SEMA5B: variants seen among roughly 807,000 people sequenced by gnomAD.
SEMA5B encodes the protein semaphorin-5B.
Under a neutral mutation model 135.0 loss-of-function variants are expected in SEMA5B, and 66 were observed. That is an observed-to-expected ratio of 0.49 (90% confidence interval 0.40 to 0.60). The LOEUF is 0.60. SEMA5B is among the 20% of genes least tolerant of loss of function. The pLI is 0.00. For missense variants in SEMA5B, 1,501 were observed against 1,566.3 expected (o/e 0.96, Z 0.70); for synonymous variants, 690 against 639.5 (o/e 1.08, Z -1.19).
In SEMA5B at chr3:122,948,646, C is replaced by T. The variant is rs370869770; in HGVS notation, c.188G>A (p.Gly63Asp). Reference sequence around the variant, plus strand: ...CAGCAACAGCGAGACAGCCAGGGGGCCTGCAAGCACCATGATAGGCCCCTC... The same window carrying T: ...CAGCAACAGCGAGACAGCCAGGGGGTCTGCAAGCACCATGATAGGCCCCTC... ...TAEGPIMVLA[G>D]PLAVSLLLPS... Residue 63 changes from glycine (G) to aspartate (D), a missense_variant, in exon 3 of 23, where the codon GGC (glycine) becomes GAC (aspartate). Gly to Asp is a moderately conservative substitution (Grantham distance 94, BLOSUM62 -1). This residue lies in a region of SEMA5B where 574 missense variants were observed against 684.7 expected (regional missense o/e 0.84). Coordinates refer to ENST00000357599, the MANE Select transcript of SEMA5B (RefSeq NM_001031702.4). The T allele has an allele frequency of 6.2e-7, 1 of 1,613,648 alleles. No homozygotes were observed. The highest frequency in any genetic ancestry group is 8.5e-7 in the Non-Finnish European group (1 of 1,179,804).
intron 1 of SEMA5B, among the ~76,000 whole-genome samples, chr3:122,982,776 C>A (rs1163253969): frequency 6.6e-6 from 1 of 152,126 alleles, no homozygotes; most frequent in African/African-American, 2.4e-5. Context: ...GCAGGGAGAC[C>A]ATTCACTCTC....
chr3:123,016,173 C>T (rs1942550108), intron 1 of SEMA5B, among the ~76,000 whole-genome samples: 1 of 152,210 alleles, frequency 6.6e-6, no homozygotes, highest in African/African-American at 2.4e-5. Flanking sequence ...GGGAGCCCCA[C>T]ATTGGTGTGT....
At chr3:122,960,220 C>A (rs950565474) in intron 2 of SEMA5B, among the ~76,000 whole-genome samples, 20 of 152,220 alleles carry the variant, frequency 1.3e-4, no homozygotes, top group African/African-American at 4.6e-4. Context: ...TTTCTACTCA[C>A]TTCCCCCAGT....
intron 1 of SEMA5B, among the ~76,000 whole-genome samples, chr3:123,008,091 G>C (rs1002507776): frequency 6.6e-6 from 1 of 152,246 alleles, no homozygotes; most frequent in Non-Finnish European, 1.5e-5. Flanking sequence ...ATCGGCAAAG[G>C]CACGCAGAAA....
At chr3:122,912,633 A>T (rs1937796739) in intron 18 of SEMA5B, among the ~76,000 whole-genome samples, 1 of 150,288 alleles carries the variant, frequency 6.7e-6, no homozygotes, top group African/African-American at 2.4e-5. Context: ...AAAAAGGGAC[A>T]GGGAGGATAA....
At chr3:122,910,351 G>T in intron 22 of SEMA5B, 50 bp from the exon 23 acceptor site, 1 of 1,595,948 alleles carries the variant, frequency 6.3e-7, no homozygotes, top group Non-Finnish European at 8.6e-7. Flanking sequence ...ACACACAGGG[G>T]AAGGGAACAG....
intron 1 of SEMA5B, among the ~76,000 whole-genome samples, chr3:122,962,044 T>C (rs1940606755): frequency 6.6e-6 from 1 of 152,220 alleles, no homozygotes; most frequent in Non-Finnish European, 1.5e-5. Flanking sequence ...AGGATCCCTG[T>C]GATTACATTG....
chr3:122,955,833 G>A (rs1021562465), intron 2 of SEMA5B, among the ~76,000 whole-genome samples: 3 of 152,192 alleles, frequency 2.0e-5, no homozygotes, highest in African/African-American at 7.2e-5. Context: ...TATTCCACTA[G>A]TTACCTAAGT....
intron 1 of SEMA5B, among the ~76,000 whole-genome samples, chr3:123,018,236 C>T (rs970487419): frequency 6.6e-6 from 1 of 152,226 alleles, no homozygotes; most frequent in Non-Finnish European, 1.5e-5. Context: ...ACTGTTTACC[C>T]ATCTGTTTAC....
chr3:122,941,044 T>A (rs1939534363), intron 4 of SEMA5B, among the ~76,000 whole-genome samples: 1 of 152,074 alleles, frequency 6.6e-6, no homozygotes, highest in Non-Finnish European at 1.5e-5. Context: ...CAGAGAGAAA[T>A]CTCTGTAGCC....
intron 1 of SEMA5B, among the ~76,000 whole-genome samples, chr3:123,005,535 GT>G (rs1942288904): frequency 6.6e-6 from 1 of 151,958 alleles, no homozygotes; most frequent in Admixed American, 6.6e-5. Context: ...CTAATTTTTT[GT>G]ATGTTTTTAG....
chr3:122,917,718 C>A (rs1292166319), intron 12 of SEMA5B, among the ~76,000 whole-genome samples: 1 of 151,968 alleles, frequency 6.6e-6, no homozygotes, highest in African/African-American at 2.4e-5. Flanking sequence ...CTGTGGCCCA[C>A]CCAGGAATCC....
intron 1 of SEMA5B, among the ~76,000 whole-genome samples, chr3:123,003,472 A>G (rs947870363): frequency 6.6e-6 from 1 of 152,166 alleles, no homozygotes; most frequent in Non-Finnish European, 1.5e-5. Context: ...GGTTCTTTCC[A>G]TCTCTGCCAG....
Position 122,912,910 on chromosome 3 carries a change from G to A in SEMA5B, c.2658C>T (p.Arg886=). The A allele has an allele frequency of 6.2e-7, 1 of 1,611,918 alleles. No individual in the cohort carries two copies. The highest frequency in any genetic ancestry group is 8.5e-7 in the Non-Finnish European group (1 of 1,179,092). The change falls in exon 18 of 23, where the codon CGC becomes CGT. Residue 886 remains arginine (R), a synonymous_variant. Coordinates refer to ENST00000357599, the MANE Select transcript of SEMA5B (RefSeq NM_001031702.4). ...CGCCCACGCAGGGCAGGCCCCCGTT[G>A]CGGGGCTCCGGGTTAGTGCACGTTC... The part of the protein sequence containing the change: ...RKRTCTNPEP[R]NGGLPCVGDA...
chr3:122,918,044 A>G (rs985658823), intron 12 of SEMA5B, among the ~76,000 whole-genome samples: 10 of 152,206 alleles, frequency 6.6e-5, no homozygotes, highest in Non-Finnish European at 1.3e-4. Context: ...TCAGCACTCA[A>G]AAAGGGGCAT....
Position 122,913,636 on chromosome 3 carries a change from A to C in SEMA5B, c.2178T>G (p.Ala726=). The part of the protein sequence containing the change: ...NTPCPVPIFW[A]SWGSWSKCSS... ...TGCACTTGCTCCAGGAGCCCCAGGA[A>C]GCCCAGAAGATGGGCACCGGGCAAG... Residue 726 remains alanine, a synonymous_variant, in exon 16 of 23, where the codon GCT becomes GCG. Coordinates refer to ENST00000357599, the MANE Select transcript of SEMA5B (RefSeq NM_001031702.4). 1.2e-6 allele frequency: 2 copies of C among 1,613,598 alleles called. No homozygotes were observed. The highest frequency in any genetic ancestry group is 1.7e-6 in the Non-Finnish European group (2 of 1,179,978).
At chr3:122,977,022 C>T (rs931825122) in intron 1 of SEMA5B, among the ~76,000 whole-genome samples, 1 of 152,150 alleles carries the variant, frequency 6.6e-6, no homozygotes, top group Non-Finnish European at 1.5e-5. Flanking sequence ...TGTACTCCAG[C>T]CTGGGCAACA....
At chr3:122,966,721 AT>A (rs1012136158) in intron 1 of SEMA5B, among the ~76,000 whole-genome samples, 162 of 149,864 alleles carry the variant, frequency 1.1e-3, no homozygotes, top group African/African-American at 3.9e-3. Flanking sequence ...CGCCCAGCTA[AT>A]TTTTTGTTTG....
At chr3:122,953,527 C>T (rs962665667) in intron 2 of SEMA5B, among the ~76,000 whole-genome samples, 2 of 152,140 alleles carry the variant, frequency 1.3e-5, no homozygotes, top group South Asian at 2.1e-4. Context: ...CAGCACAGCA[C>T]GTCTGTCTGC....
Sources: gnomAD v4.1 joint callset for allele counts (sites outside exome capture counted in the v4.1 genomes callset) on GRCh38, gnomAD v4.1.1 for gene constraint, gnomAD v4.1.1 regional missense constraint, MANE v1.5 for transcripts, NCBI Gene and HGNC (gene_info 2026-07-23, HGNC 2026-07-21) for gene names.